The following TMEM71 variants were observed in gnomAD, a reference collection of about 807,000 sequenced individuals.
TMEM71 encodes the protein transmembrane protein 71.
Under a neutral mutation model 38.0 loss-of-function variants are expected in TMEM71, and 44 were observed. That is an observed-to-expected ratio of 1.16 (90% CI 0.91 to 1.49). TMEM71 has a LOEUF of 1.49. Ranked by LOEUF, TMEM71 falls within the 40% of genes most tolerant of loss-of-function variation. The pLI is 0.00. For synonymous variants in TMEM71, 133 were observed against 122.5 expected (o/e 1.09, Z -0.56); for missense variants, 367 against 348.6 (o/e 1.05, Z -0.42).
intron 7 of TMEM71, among the ~76,000 whole-genome samples, chr8:132,715,422 A>AAAAAAAAAAAAAAG (rs1826468551): frequency 1.3e-5 from 2 of 148,632 alleles, no homozygotes; most frequent in Non-Finnish European, 3.0e-5. Context: ...AAAAAAAAAA[A>AAAAAAAAAAAAAAG]AAAAAAAAAA....
At chr8:132,753,961 C>T (rs1026124993) in intron 3 of TMEM71, among the ~76,000 whole-genome samples, 1 of 152,138 alleles carries the variant, frequency 6.6e-6, no homozygotes, top group Non-Finnish European at 1.5e-5. Context: ...CCTGGGTCCT[C>T]ACTTCTCCAT....
intron 5 of TMEM71, among the ~76,000 whole-genome samples, chr8:132,740,340 G>A (rs1048485937): frequency 1.3e-5 from 2 of 152,178 alleles, no homozygotes; most frequent in Admixed American, 6.5e-5. Flanking sequence ...TCTTCTCAAT[G>A]AGGCCTTCTC....
At chr8:132,751,038 C>T (rs1427953671) in intron 4 of TMEM71, among the ~76,000 whole-genome samples, 1 of 152,198 alleles carries the variant, frequency 6.6e-6, no homozygotes, top group Non-Finnish European at 1.5e-5. Context: ...TATTCACACA[C>T]ATCCAACTAC....
At chr8:132,727,557 C>G (rs1419630140) in intron 6 of TMEM71, among the ~76,000 whole-genome samples, 1 of 152,076 alleles carries the variant, frequency 6.6e-6, no homozygotes, top group Non-Finnish European at 1.5e-5. Context: ...TGCCCGGTCT[C>G]TGAATATTTT....
intron 5 of TMEM71, among the ~76,000 whole-genome samples, chr8:132,738,728 C>A (rs1827877811): frequency 6.6e-6 from 1 of 152,182 alleles, no homozygotes; most frequent in Non-Finnish European, 1.5e-5. Context: ...TCTCCTCTTC[C>A]TGCTTTTACA....
At chr8:132,749,467 G>T (rs1291007701) in intron 4 of TMEM71, among the ~76,000 whole-genome samples, 1 of 152,198 alleles carries the variant, frequency 6.6e-6, no homozygotes. Flanking sequence ...TGAGTCTAAG[G>T]TCTCCCCAGT....
At chr8:132,720,837 T>C (rs964186290) in intron 7 of TMEM71, among the ~76,000 whole-genome samples, 2 of 152,178 alleles carry the variant, frequency 1.3e-5, no homozygotes, top group South Asian at 4.1e-4. Flanking sequence ...GTTTCATTGA[T>C]TCAATAAATA....
chr8:132,744,335 A>T (rs1346215942), intron 5 of TMEM71, among the ~76,000 whole-genome samples: 2 of 152,206 alleles, frequency 1.3e-5, no homozygotes, highest in African/African-American at 4.8e-5. Flanking sequence ...TTGAGAATCA[A>T]CGTACAGAAA....
intron 5 of TMEM71, among the ~76,000 whole-genome samples, chr8:132,737,033 A>G (rs1037775789): frequency 2.0e-5 from 3 of 152,194 alleles, no homozygotes; most frequent in Admixed American, 1.3e-4. Context: ...CAAAATAATG[A>G]GAGTCCAAAA....
intron 7 of TMEM71, among the ~76,000 whole-genome samples, chr8:132,717,409 G>T (rs1373489364): frequency 6.6e-6 from 1 of 152,166 alleles, no homozygotes; most frequent in South Asian, 2.1e-4. Flanking sequence ...AAACAGCCTG[G>T]TTTAAAAAGT....
chr8:132,757,086 CG>C, intron 3 of TMEM71, 147 bp downstream of exon 3: 1 of 379,278 alleles, frequency 2.6e-6, no homozygotes, highest in South Asian at 2.5e-5. Context: ...TTAGTGGAGA[CG>C]GGGTTTCACC....
At chr8:132,744,559 C>G (rs1828227574) in intron 5 of TMEM71, among the ~76,000 whole-genome samples, 3 of 152,200 alleles carry the variant, frequency 2.0e-5, no homozygotes, top group Admixed American at 2.0e-4. Context: ...AAAAACATCT[C>G]ATGCTCATGG....
At position 132,715,449 on chromosome 8, in the gene TMEM71, G is replaced by T. The variant is rs530917527; in HGVS notation, c.753-1234C>A. Among the ~76,000 whole-genome samples the T allele has an allele frequency of 1.5e-4, 21 of 137,192 alleles. No individual in the cohort carries two copies. In the South Asian group the frequency reaches 4.9e-3, roughly 32 times the overall value. The allele number at this position is 137,192 out of a possible 152,430, so 90.0% of individuals were successfully genotyped here. A position where few individuals can be genotyped will look rare whatever the true frequency, so the allele number is the denominator to read the frequency against. On this transcript the variant is annotated intron_variant, in intron 7 of 9. Transcript: ENST00000677595. ...AAAAAAAAAAAAGAATGAAAAGTGTGCAAACAGTTGGAAGATAGTTTGGCC... is the reference window on the plus strand; with the variant it reads ...AAAAAAAAAAAAGAATGAAAAGTGTTCAAACAGTTGGAAGATAGTTTGGCC...
At position 132,757,219 on chromosome 8, in the gene TMEM71, A is replaced by G; in HGVS notation, c.101+15T>C. The G allele has an allele frequency of 2.5e-6, 4 of 1,595,302 alleles. No individual in the cohort carries two copies. Among genetic ancestry groups the G allele is most frequent in the Non-Finnish European group, 3.4e-6 (4 of 1,164,670 alleles). ...CCAGAATGATTATTTTTTTAAAAGAAGCCCCATAGTATACCTTGGGAAAAT... is the reference window on the plus strand; with the variant it reads ...CCAGAATGATTATTTTTTTAAAAGAGGCCCCATAGTATACCTTGGGAAAAT... On this transcript the variant is annotated intron_variant, in intron 3 of 9. Coordinates refer to ENST00000677595, the MANE Select transcript of TMEM71 (RefSeq NM_001382403.1).
chr8:132,737,946 T>C (rs1234093882), intron 5 of TMEM71, among the ~76,000 whole-genome samples: 1 of 152,214 alleles, frequency 6.6e-6, no homozygotes, highest in African/African-American at 2.4e-5. Flanking sequence ...CCTCTACTGG[T>C]TATCTATTTC....
intron 5 of TMEM71, among the ~76,000 whole-genome samples, chr8:132,745,725 T>A (rs1828301828): frequency 6.6e-6 from 1 of 152,062 alleles, no homozygotes; most frequent in Non-Finnish European, 1.5e-5. Flanking sequence ...ACACTCACAT[T>A]TTCAGGAGCA....
the TMEM71 span, among the ~76,000 whole-genome samples, chr8:132,771,892 A>G: frequency 2.0e-5 from 3 of 152,304 alleles, no homozygotes; most frequent in Admixed American, 1.3e-4. Context: ...TTCAGTTGAT[A>G]AAGGGATATG....
At chr8:132,737,834 C>T (rs1369979158) in intron 5 of TMEM71, among the ~76,000 whole-genome samples, 4 of 152,156 alleles carry the variant, frequency 2.6e-5, no homozygotes, top group African/African-American at 9.7e-5. Flanking sequence ...CTTCTTTATT[C>T]CAAAAAACTG....
At chr8:132,731,260 A>G (rs1394776117) in intron 5 of TMEM71, among the ~76,000 whole-genome samples, 1 of 152,192 alleles carries the variant, frequency 6.6e-6, no homozygotes, top group African/African-American at 2.4e-5. Context: ...TATAGACCCT[A>G]GTTACGTGAC....
Sources: allele counts gnomAD v4.1 joint callset (sites outside exome capture counted in the v4.1 genomes callset), GRCh38; gene constraint gnomAD v4.1.1; transcripts MANE v1.5; gene names NCBI Gene and HGNC (gene_info 2026-07-23, HGNC 2026-07-21).